Variants in PKIG observed in about 807,000 individuals in gnomAD.
The protein encoded by PKIG is protein kinase (cAMP-dependent, catalytic) inhibitor gamma.
A neutral mutation model predicts 6.8 loss-of-function variants in PKIG; 1 was observed. The ratio of observed to expected loss-of-function variants is 0.15; its 90% CI spans 0.05 to 0.69. PKIG has a LOEUF of 0.69. Among genes scored for constraint, PKIG ranks in the 30% least tolerant of loss-of-function variants. PKIG has a pLI of 0.82. For missense variants in PKIG, 77 were observed against 104.0 expected (o/e 0.74, Z 1.13); for synonymous variants, 39 against 43.0 (o/e 0.91, Z 0.36).
intron 2 of PKIG, chr20:44,598,472 G>C (rs1008049212): frequency 6.6e-6 from 1 of 152,174 alleles, no homozygotes; most frequent in Non-Finnish European, 1.5e-5. Flanking sequence ...CCACACTTGA[G>C]ACTCCCGAGG....
At chr20:44,609,213 A>G (rs1654901025) in intron 2 of PKIG, among the ~76,000 whole-genome samples, 2 of 152,166 alleles carry the variant, frequency 1.3e-5, no homozygotes, top group African/African-American at 4.8e-5. Flanking sequence ...ATGTTGGCCC[A>G]GCTGATGTTT....
At chr20:44,580,748 C>A (rs988105074), upstream of PKIG, among the ~76,000 whole-genome samples, 1 of 152,150 alleles carries the variant, frequency 6.6e-6, no homozygotes, top group Non-Finnish European at 1.5e-5. Flanking sequence ...AGCCTGTTTT[C>A]TTGGATGTTT....
chr20:44,550,985 T>C (rs894688838), intron 1 of PKIG, among the ~76,000 whole-genome samples: 3 of 152,238 alleles, frequency 2.0e-5, no homozygotes, highest in Admixed American at 6.5e-5. Flanking sequence ...CATGTGTGTA[T>C]TTCAATTTTT....
intron 1 of PKIG, among the ~76,000 whole-genome samples, chr20:44,538,820 G>T (rs897362184): frequency 6.6e-6 from 1 of 151,850 alleles, no homozygotes; most frequent in Non-Finnish European, 1.5e-5. Context: ...ATGGAGTCTC[G>T]CTATGTTGCT....
chr20:44,597,383 A>T (rs1182118068), intron 2 of PKIG, among the ~76,000 whole-genome samples: 1 of 152,000 alleles, frequency 6.6e-6, no homozygotes, highest in South Asian at 2.1e-4. Flanking sequence ...TGAGCTCCCT[A>T]ACTAGACCAT....
chr20:44,555,659 C>G (rs2064706527), intron 1 of PKIG, among the ~76,000 whole-genome samples: 1 of 152,156 alleles, frequency 6.6e-6, no homozygotes, highest in Non-Finnish European at 1.5e-5. Context: ...TCTTAGTACT[C>G]CCACTCATTT....
chr20:44,570,363 C>T (rs1230884610), intron 1 of PKIG, among the ~76,000 whole-genome samples: 1 of 152,142 alleles, frequency 6.6e-6, no homozygotes. Flanking sequence ...GTGATCATCT[C>T]CATTTAATAC....
intron 2 of PKIG, among the ~76,000 whole-genome samples, chr20:44,601,134 AGAG>A (rs907688807): frequency 9.2e-5 from 14 of 152,192 alleles, no homozygotes; most frequent in Non-Finnish European, 2.1e-4. Flanking sequence ...ATGAGTTGGA[AGAG>A]GAGGACAGAA....
chr20:44,548,887 CACACACACACACACACAT>C (rs1221392551), intron 1 of PKIG, among the ~76,000 whole-genome samples: 101 of 145,630 alleles, frequency 6.9e-4, no homozygotes, highest in African/African-American at 2.4e-3. Context: ...CACACACACA[CACACACACACACACACAT>C]ATATCTGTCT....
intron 2 of PKIG, among the ~76,000 whole-genome samples, chr20:44,612,364 G>T (rs1013572926): frequency 1.1e-4 from 16 of 151,294 alleles, no homozygotes; most frequent in African/African-American, 3.6e-4. Context: ...GCCTGAGTGG[G>T]TCTAGAACTA....
intron 1 of PKIG, among the ~76,000 whole-genome samples, chr20:44,538,275 G>A (rs2064530773): frequency 6.6e-6 from 1 of 152,122 alleles, no homozygotes; most frequent in Admixed American, 6.5e-5. Context: ...GTAAATCCAT[G>A]ATATCATTTT....
chr20:44,608,323 T>A (rs1281580589), intron 2 of PKIG, among the ~76,000 whole-genome samples: 1 of 152,262 alleles, frequency 6.6e-6, no homozygotes, highest in African/African-American at 2.4e-5. Flanking sequence ...CATTTAACTA[T>A]ATGTGAACAT....
At chr20:44,579,372 C>T (rs1455788143), upstream of PKIG, among the ~76,000 whole-genome samples, 2 of 152,198 alleles carry the variant, frequency 1.3e-5, no homozygotes, top group African/African-American at 4.8e-5. Flanking sequence ...CTGTGAAAAA[C>T]AGCCAAGTTT....
chr20:44,584,165 A>G (rs2064970596), intron 1 of PKIG, among the ~76,000 whole-genome samples: 4 of 152,142 alleles, frequency 2.6e-5, no homozygotes, highest in Admixed American at 1.3e-4. Context: ...ATCTACTTAT[A>G]TGTTTTCATA....
intron 2 of PKIG, among the ~76,000 whole-genome samples, chr20:44,591,474 T>A (rs773565150): frequency 7.2e-5 from 11 of 151,960 alleles, no homozygotes; most frequent in East Asian, 1.9e-4. Flanking sequence ...AGTTCCGCAC[T>A]CTGCCTGGCC....
chr20:44,614,645 C>T lies in PKIG; in HGVS notation c.89C>T (p.Ser30Leu), dbSNP rs754362405. Residue 30 changes from serine (S) to leucine (L), a missense_variant, in exon 3 of 4, where the codon TCA (serine) becomes TTA (leucine). Coordinates refer to ENST00000372886, the MANE Select transcript of PKIG (RefSeq NM_001281445.2). The surrounding 1 kb of genome is among the most constrained non-coding windows in gnomAD (Gnocchi z 4.6). ...RNAVPDIQGDSEAVSVRKLAG... is the reference protein window; with the variant it reads ...RNAVPDIQGDLEAVSVRKLAG... ...GCGGTCCCTGACATCCAGGGAGACTCAGAGGCTGTGAGCGTGAGGAAGCTG... is the reference window on the plus strand; with the variant it reads ...GCGGTCCCTGACATCCAGGGAGACTTAGAGGCTGTGAGCGTGAGGAAGCTG... 5.6e-6 allele frequency: 9 copies of T among 1,613,950 alleles called. No individual in the cohort carries two copies. The highest frequency in any genetic ancestry group is 7.6e-6 in the Non-Finnish European group (9 of 1,180,032).
Position 44,532,093 on chromosome 20 carries a change from C to G in PKIG, c.-241+115C>G, listed in dbSNP as rs1268654805. 5.3e-5 allele frequency: 8 copies of G among 152,320 alleles called. No homozygotes were observed. The East Asian group carries it at 1.4e-3, about 26-fold the overall frequency. 9.4% of individuals were successfully genotyped at this position (152,320 alleles called of 1,614,324 possible). On this transcript the variant is annotated intron_variant, in intron 1 of 4. Transcript: ENST00000372887. ...GATCCCGGGGAGGGAGGCTGCGGCC[C>G]GATCTTTGTCCCTCAGCCGCGCCGG... is the stretch of plus-strand genomic sequence containing the variant.
At chr20:44,555,824 A>G (rs2064707720) in intron 1 of PKIG, among the ~76,000 whole-genome samples, 1 of 152,094 alleles carries the variant, frequency 6.6e-6, no homozygotes, top group South Asian at 2.1e-4. Flanking sequence ...TTAGAGACCT[A>G]CTTTATTTAT....
intron 1 of PKIG, among the ~76,000 whole-genome samples, chr20:44,539,968 A>G (rs1480486768): frequency 2.0e-5 from 3 of 149,730 alleles, no homozygotes; most frequent in African/African-American, 7.4e-5. Context: ...TTATTTATTT[A>G]CTTTTCTTAG....
Sources: allele counts gnomAD v4.1 joint callset (sites outside exome capture counted in the v4.1 genomes callset), GRCh38; gene constraint gnomAD v4.1.1; non-coding constraint Gnocchi (gnomAD v3.1); transcripts MANE v1.5; gene names NCBI Gene and HGNC (gene_info 2026-07-23, HGNC 2026-07-21).